KIRREL1: variants seen among roughly 807,000 people sequenced by gnomAD.
KIRREL1 encodes the protein kirre like nephrin family adhesion molecule 1.
Under a neutral mutation model 83.3 loss-of-function variants are expected in KIRREL1, and 25 were observed. That is an observed-to-expected ratio of 0.30 (90% CI 0.22 to 0.42). The LOEUF (loss-of-function observed/expected upper bound fraction) is 0.42. Among genes scored for constraint, KIRREL1 ranks in the 10% least tolerant of loss-of-function variants. KIRREL1 has a pLI of 1.00. For missense variants in KIRREL1, 812 were observed against 1,032.3 expected (o/e 0.79, Z 2.92); for synonymous variants, 388 against 410.4 (o/e 0.95, Z 0.66).
intron 4 of KIRREL1, among the ~76,000 whole-genome samples, chr1:158,085,544 C>G (rs1236942382): frequency 6.6e-6 from 1 of 152,162 alleles, no homozygotes; most frequent in Non-Finnish European, 1.5e-5. Context: ...TTTTGGCAAC[C>G]AAACAAGTTG....
chr1:158,059,053 C>A (rs1054261180), intron 1 of KIRREL1, among the ~76,000 whole-genome samples: 17 of 152,130 alleles, frequency 1.1e-4, no homozygotes, highest in African/African-American at 4.1e-4. Context: ...CAGTTCCACA[C>A]CCTACACAGC....
intron 1 of KIRREL1, among the ~76,000 whole-genome samples, chr1:158,024,212 G>C (rs574903008): frequency 6.6e-6 from 1 of 151,430 alleles, no homozygotes; most frequent in East Asian, 1.9e-4. Flanking sequence ...GCCTCCCAGA[G>C]TGCTAGGATT....
chr1:158,032,962 G>A (rs1295871417), intron 1 of KIRREL1, among the ~76,000 whole-genome samples: 5 of 152,082 alleles, frequency 3.3e-5, no homozygotes, highest in African/African-American at 9.7e-5. Flanking sequence ...GTAGAGACGC[G>A]GTTTCACCAT....
Position 157,995,484 on chromosome 1 carries a change from GTGGTGGTGGAGGGGGGTCATGT to G in KIRREL1, c.52+1769_52+1790del, listed in dbSNP as rs1318417657. ...TCGGGGAGGAAGGGGGTGGGCCATG[GTGGTGGTGGAGGGGGGTCATGT>G]TGGTGGTGGAGGAGGCCCCTGGGTC... On this transcript the variant is annotated intron_variant, in intron 1 of 14. Coordinates refer to ENST00000359209, the MANE Select transcript of KIRREL1 (RefSeq NM_018240.7). Among the ~76,000 whole-genome samples the G allele has an allele frequency of 3.3e-5, 5 of 151,950 alleles. No individual in the cohort carries two copies. The East Asian group carries it at 5.8e-4, about 18-fold the overall frequency.
Position 158,087,850 on chromosome 1 carries a change from T to C in KIRREL1, c.757T>C (p.Leu253=), listed in dbSNP as rs775035752. The change falls in exon 6 of 15, where the codon TTG becomes CTG. Residue 253 remains leucine (L), a synonymous_variant. Transcript: ENST00000359209. ...TCQATANPEI[L]GYRWAKGGFL... is the part of the protein sequence containing the mutation. ...CCAGGCCACAGCCAACCCCGAGATCTTGGGCTACAGGTGAGGGGGTCAGAG... is the reference window on the plus strand; with the variant it reads ...CCAGGCCACAGCCAACCCCGAGATCCTGGGCTACAGGTGAGGGGGTCAGAG... 3.1e-6 allele frequency: 5 copies of C among 1,613,766 alleles called. No homozygotes were observed. The South Asian group carries it at 3.3e-5, about 11-fold the overall frequency.
intron 1 of KIRREL1, among the ~76,000 whole-genome samples, chr1:158,046,223 G>T (rs544184432): frequency 6.6e-6 from 1 of 152,308 alleles, no homozygotes; most frequent in South Asian, 2.1e-4. Context: ...CCATTTCTGG[G>T]ATTATTGGGA....
At position 158,043,087 on chromosome 1, in the gene KIRREL1, CAA is replaced by C. The variant is rs71084262; in HGVS notation, c.53-33010_53-33009del. 4.1e-3 allele frequency among the ~76,000 whole-genome samples: 441 copies of C among 108,144 alleles called. 1 individual carries two copies. Among genetic ancestry groups the C allele is most frequent in the East Asian group, 0.026 (94 of 3,680 alleles). The allele number at this position is 108,144 out of a possible 152,430, so 70.9% of individuals were successfully genotyped here. On this transcript the variant is annotated intron_variant, in intron 1 of 14. Transcript: ENST00000359209. ...TGGGCAACAGAGCGAGACTCCATCT[CAA>C]AAAAAAAAAAAAAAAGATTAGCTTT...
chr1:158,040,137 G>T (rs1289438972), intron 1 of KIRREL1, among the ~76,000 whole-genome samples: 1 of 152,192 alleles, frequency 6.6e-6, no homozygotes, highest in African/African-American at 2.4e-5. Flanking sequence ...ATAATCCTCA[G>T]TTTGTTCATT....
intron 1 of KIRREL1, among the ~76,000 whole-genome samples, chr1:158,001,614 C>T (rs1257327525): frequency 6.6e-6 from 1 of 152,024 alleles, no homozygotes; most frequent in Non-Finnish European, 1.5e-5. Context: ...GGAAGGGCTC[C>T]GTGGAGGAAG....
intron 1 of KIRREL1, among the ~76,000 whole-genome samples, chr1:157,997,780 C>A (rs532646727): frequency 6.6e-6 from 1 of 152,168 alleles, no homozygotes; most frequent in Non-Finnish European, 1.5e-5. Flanking sequence ...TTTATTGAGC[C>A]CTGTGTAACT....
intron 1 of KIRREL1, among the ~76,000 whole-genome samples, chr1:158,020,600 C>CAAAAGAAAAAAAAAAA (rs1659978430): frequency 1.2e-5 from 1 of 83,678 alleles, no homozygotes; most frequent in African/African-American, 4.7e-5. Context: ...TACAGTAAAT[C>CAAAAGAAAAAAAAAAA]AAAAAAAAAA....
intron 1 of KIRREL1, among the ~76,000 whole-genome samples, chr1:158,005,743 G>T (rs1035341568): frequency 5.3e-5 from 8 of 152,048 alleles, no homozygotes; most frequent in African/African-American, 1.7e-4. Context: ...GGGGAGCAGT[G>T]GGGAACTGTC....
chr1:158,049,433 G>T (rs1184145222), intron 1 of KIRREL1, among the ~76,000 whole-genome samples: 1 of 152,178 alleles, frequency 6.6e-6, no homozygotes, highest in South Asian at 2.1e-4. Flanking sequence ...GGGTGCACCC[G>T]CACTGAGAGG....
At chr1:158,092,034 C>T (rs1017303528) in intron 11 of KIRREL1, among the ~76,000 whole-genome samples, 1 of 152,198 alleles carries the variant, frequency 6.6e-6, no homozygotes, top group East Asian at 1.9e-4. Context: ...ATAACACGCC[C>T]ATCTCATTGG....
At chr1:158,016,113 G>A (rs1392392499) in intron 1 of KIRREL1, among the ~76,000 whole-genome samples, 2 of 152,098 alleles carry the variant, frequency 1.3e-5, no homozygotes, top group Non-Finnish European at 2.9e-5. Flanking sequence ...AGACCAGCCT[G>A]GCCAACATGG....
intron 1 of KIRREL1, among the ~76,000 whole-genome samples, chr1:158,015,195 C>T (rs138249823): frequency 6.6e-6 from 1 of 152,316 alleles, no homozygotes; most frequent in African/African-American, 2.4e-5. Flanking sequence ...TCCTGCCATA[C>T]CTTCAGTGTC....
rs745381956 is a variant in KIRREL1, at chr1:158,078,046, G to A, written c.258G>A (p.Glu86=). The A allele has an allele frequency of 8.1e-6, 13 of 1,614,198 alleles. No individual in the cohort carries two copies. In the East Asian group the frequency reaches 1.8e-4, roughly 22 times the overall value. The change falls in exon 3 of 15, where the codon GAG becomes GAA. Residue 86 remains glutamate, a synonymous_variant. Transcript: ENST00000359209. ...CAGACGCTGGGCAGTACAACCTGGA[G>A]ATCACAGATGCTGAGCTCTCTGACG... is the stretch of plus-strand genomic sequence containing the variant. ...GSADAGQYNL[E]ITDAELSDDA...
chr1:158,068,042 A>G (rs1328203502), intron 1 of KIRREL1, among the ~76,000 whole-genome samples: 1 of 152,130 alleles, frequency 6.6e-6, no homozygotes, highest in African/African-American at 2.4e-5. Context: ...GGGAGGAGAG[A>G]TTGATTCTTC....
Position 158,063,452 on chromosome 1 carries a change from T to G in KIRREL1, c.53-12661T>G, listed in dbSNP as rs544721296. Reference sequence around the variant, plus strand: ...TCCCACATCATTGCCCCCCATCAAGTCGGCCCTGATTTCATCTCATCAGCA... The same window carrying G: ...TCCCACATCATTGCCCCCCATCAAGGCGGCCCTGATTTCATCTCATCAGCA... On this transcript the variant is annotated intron_variant, in intron 1 of 14. Transcript: ENST00000359209. Among the ~76,000 whole-genome samples, 6 of 152,282 alleles carry G rather than the reference T, an allele frequency of 3.9e-5. No homozygotes were observed. In the East Asian group the frequency reaches 1.2e-3, roughly 29 times the overall value.
Sources: allele counts gnomAD v4.1 joint callset (sites outside exome capture counted in the v4.1 genomes callset), GRCh38; gene constraint gnomAD v4.1.1; transcripts MANE v1.5; gene names NCBI Gene and HGNC (gene_info 2026-07-23, HGNC 2026-07-21).